The following ELAPOR1 variants were observed in gnomAD, a reference collection of about 807,000 sequenced individuals.
The protein encoded by ELAPOR1 is endosome-lysosome associated apoptosis and autophagy regulator 1, also known as endosome/lysosome-associated apoptosis and autophagy regulator 1.
In ELAPOR1, 77 loss-of-function variants were observed where a neutral mutation model predicts 119.7. That is an observed-to-expected ratio of 0.64 (90% confidence interval 0.54 to 0.78). ELAPOR1 has a LOEUF of 0.78. Ranked by LOEUF, ELAPOR1 falls within the 30% of genes least tolerant of loss-of-function variation. ELAPOR1 has a pLI of 0.00. For missense variants in ELAPOR1, 1,115 were observed against 1,270.4 expected (o/e 0.88, Z 1.86); for synonymous variants, 481 against 487.2 (o/e 0.99, Z 0.17).
intron 1 of ELAPOR1, among the ~76,000 whole-genome samples, chr1:109,143,908 G>A (rs1186466159): frequency 1.3e-5 from 2 of 151,226 alleles, no homozygotes; most frequent in African/African-American, 2.4e-5. Flanking sequence ...CAATCCACCC[G>A]CCTCAGCTTC....
intron 1 of ELAPOR1, among the ~76,000 whole-genome samples, chr1:109,124,187 G>T (rs1224959713): frequency 6.6e-6 from 1 of 151,960 alleles, no homozygotes; most frequent in Non-Finnish European, 1.5e-5. Flanking sequence ...ATTGCAGGGG[G>T]CATTGCTACA....
chr1:109,193,980 G>A (rs538646064), intron 14 of ELAPOR1, among the ~76,000 whole-genome samples: 1 of 152,306 alleles, frequency 6.6e-6, no homozygotes, highest in East Asian at 1.9e-4. Flanking sequence ...CTGAGAAACA[G>A]GAAGCAGAGT....
chr1:109,177,497 A>G (rs1397327174), intron 7 of ELAPOR1, among the ~76,000 whole-genome samples: 4 of 98,138 alleles, frequency 4.1e-5, no homozygotes, highest in South Asian at 3.7e-4. Flanking sequence ...CCCAGATGGG[A>G]TGGCGGCCGG....
At chr1:109,171,830 C>A in intron 3 of ELAPOR1, 36 bp from the exon 4 acceptor site, 1 of 1,611,354 alleles carries the variant, frequency 6.2e-7, no homozygotes, top group Non-Finnish European at 8.5e-7. Context: ...GTGGGCTGTG[C>A]TCCTGCCTGT....
At chr1:109,156,775 A>G (rs1382514073) in intron 1 of ELAPOR1, among the ~76,000 whole-genome samples, 1 of 151,748 alleles carries the variant, frequency 6.6e-6, no homozygotes, top group Non-Finnish European at 1.5e-5. Context: ...CTCAGTGGCT[A>G]AATGTCTTCA....
chr1:109,125,664 G>A (rs1376579813), intron 1 of ELAPOR1, among the ~76,000 whole-genome samples: 7 of 152,096 alleles, frequency 4.6e-5, no homozygotes, highest in Non-Finnish European at 8.8e-5. Flanking sequence ...GATTACAGGC[G>A]GGAGCCACCA....
chr1:109,187,976 G>T, intron 8 of ELAPOR1: 1 of 1,324,788 alleles, frequency 7.5e-7, no homozygotes, highest in Middle Eastern at 2.8e-4. Flanking sequence ...TTGGCAGATA[G>T]TGATTGAACA....
In ELAPOR1 at chr1:109,203,164, G is replaced by C; in HGVS notation, c.*152G>C. Reference sequence around the variant, plus strand: ...TTTGAATTTCAGATCTTTTTTTATAGAGTACCCAAACCCTCCTTTCTGCTT... The same window carrying C: ...TTTGAATTTCAGATCTTTTTTTATACAGTACCCAAACCCTCCTTTCTGCTT... On this transcript the variant is annotated 3_prime_UTR_variant, in exon 22 of 22. Coordinates refer to ENST00000369939, the MANE Select transcript of ELAPOR1 (RefSeq NM_020775.5). 1.7e-6 allele frequency: 1 copy of C among 601,414 alleles called. No individual in the cohort carries two copies. 37.3% of individuals were successfully genotyped at this position (601,414 alleles called of 1,614,324 possible). A position where few individuals can be genotyped will look rare whatever the true frequency, so the allele number is the denominator to read the frequency against.
At chr1:109,152,065 G>A (rs1005192829) in intron 1 of ELAPOR1, among the ~76,000 whole-genome samples, 2 of 151,956 alleles carry the variant, frequency 1.3e-5, no homozygotes, top group Non-Finnish European at 2.9e-5. Context: ...TGTAGAGCAG[G>A]GTTTTGCCAT....
chr1:109,162,800 G>A (rs926785154), intron 2 of ELAPOR1, among the ~76,000 whole-genome samples: 2 of 152,230 alleles, frequency 1.3e-5, no homozygotes, highest in African/African-American at 4.8e-5. Context: ...GAGCAGAACT[G>A]AGGTGTGACT....
intron 1 of ELAPOR1, among the ~76,000 whole-genome samples, chr1:109,140,779 T>C (rs928212652): frequency 6.6e-6 from 1 of 152,332 alleles, no homozygotes; most frequent in East Asian, 1.9e-4. Context: ...TTATTAAGTG[T>C]CCAGAATTTA....
At chr1:109,117,100 C>A (rs1328200261) in intron 1 of ELAPOR1, among the ~76,000 whole-genome samples, 2 of 152,134 alleles carry the variant, frequency 1.3e-5, no homozygotes, top group East Asian at 3.9e-4. Flanking sequence ...TAATATTGTT[C>A]CAGCCTTGTT....
At chr1:109,191,926 CA>C in intron 13 of ELAPOR1, 63 bp downstream of exon 13, 1 of 1,575,650 alleles carries the variant, frequency 6.3e-7, no homozygotes, top group Non-Finnish European at 8.7e-7. Flanking sequence ...GGACTCCTAG[CA>C]TTAGCTTAAG....
At position 109,200,825 on chromosome 1, in the gene ELAPOR1, C is replaced by T. The variant is rs529832723; in HGVS notation, c.2898C>T (p.Gly966=). 3.8e-5 allele frequency: 61 copies of T among 1,614,138 alleles called. No individual in the cohort carries two copies. Among genetic ancestry groups the T allele is most frequent in the African/African-American group, 1.7e-4 (13 of 75,032 alleles). Residue 966 remains glycine, a synonymous_variant, in exon 21 of 22, where the codon GGC becomes GGT. Transcript: ENST00000369939. Reference sequence around the variant, plus strand: ...CTGACAGCTGCGCCATCATGGAAGGCGAGGATGTAGAGGACGACCTCATCT... The same window carrying T: ...CTGACAGCTGCGCCATCATGGAAGGTGAGGATGTAGAGGACGACCTCATCT... The part of the protein sequence containing the change: ...PAADSCAIME[G]EDVEDDLIFT...
At chr1:109,165,892 T>C (rs1186284589) in intron 3 of ELAPOR1, among the ~76,000 whole-genome samples, 1 of 151,348 alleles carries the variant, frequency 6.6e-6, no homozygotes, top group African/African-American at 2.4e-5. Flanking sequence ...TACAGGTGTG[T>C]GTGCCACAAT....
intron 1 of ELAPOR1, among the ~76,000 whole-genome samples, chr1:109,128,949 G>T (rs1558018818): frequency 6.6e-6 from 1 of 152,152 alleles, no homozygotes; most frequent in Non-Finnish European, 1.5e-5. Context: ...GTTAGACTGA[G>T]AACCTGAGCC....
At position 109,189,657 on chromosome 1, in the gene ELAPOR1, C is replaced by T; in HGVS notation, c.1414C>T (p.Leu472Phe). 6.2e-7 allele frequency: 1 copy of T among 1,614,104 alleles called. No homozygotes were observed. Among genetic ancestry groups the T allele is most frequent in the Non-Finnish European group, 8.5e-7 (1 of 1,179,972 alleles). ...AGCCTCAGACAATGACTTCATGATTCTCACTCTGGTTGTGCCAGGATTTAG... is the reference window on the plus strand; with the variant it reads ...AGCCTCAGACAATGACTTCATGATTTTCACTCTGGTTGTGCCAGGATTTAG... ...AGASDNDFMI[L>F]TLVVPGFRPP... Residue 472 changes from leucine (L) to phenylalanine (F), a missense_variant, in exon 11 of 22, where the codon CTC becomes TTC. Leu to Phe is a conservative substitution (Grantham distance 22). Transcript: ENST00000369939.
chr1:109,141,285 G>A (rs1169266126), intron 1 of ELAPOR1, among the ~76,000 whole-genome samples: 1 of 151,676 alleles, frequency 6.6e-6, no homozygotes, highest in Non-Finnish European at 1.5e-5. Flanking sequence ...TTTTGAGACT[G>A]TGTCTCACTC....
chr1:109,198,488 T>C (rs937778578), intron 17 of ELAPOR1, 85 bp from the exon 18 acceptor site: 2 of 1,228,208 alleles, frequency 1.6e-6, no homozygotes, highest in Admixed American at 2.1e-5. Flanking sequence ...AGCAAGGGAA[T>C]TGCTCCATGC....
Sources: allele counts gnomAD v4.1 joint callset (sites outside exome capture counted in the v4.1 genomes callset), GRCh38; gene constraint gnomAD v4.1.1; transcripts MANE v1.5; gene names NCBI Gene and HGNC (gene_info 2026-07-23, HGNC 2026-07-21).